Variants in ZNF679 observed in about 807,000 individuals in gnomAD.
ZNF679 encodes the protein zinc finger protein 679.
In ZNF679, 10 loss-of-function variants were observed where a neutral mutation model predicts 13.4. The observed-to-expected ratio is 0.75, with a 90% confidence interval of 0.46 to 1.27. The LOEUF is 1.27. Ranked by LOEUF, ZNF679 falls within the 50% of genes most tolerant of loss-of-function variation. The pLI is 0.00. For missense variants in ZNF679, 525 were observed against 477.8 expected (o/e 1.10, Z -0.92); for synonymous variants, 179 against 162.5 (o/e 1.10, Z -0.77).
intron 1 of ZNF679, among the ~76,000 whole-genome samples, chr7:64,233,612 C>T (rs1289792382): frequency 6.6e-6 from 1 of 152,172 alleles, no homozygotes; most frequent in African/African-American, 2.4e-5. Flanking sequence ...GTGCTCCTCC[C>T]CCAACCTCGG....
At chr7:64,237,149 C>G (rs1303209511) in intron 1 of ZNF679, among the ~76,000 whole-genome samples, 1 of 152,106 alleles carries the variant, frequency 6.6e-6, no homozygotes, top group Middle Eastern at 3.2e-3. Context: ...ATGGATGACC[C>G]AGAATCCTAG....
chr7:64,262,213 T>C, intron 4 of ZNF679, among the ~76,000 whole-genome samples: 1 of 152,182 alleles, frequency 6.6e-6, no homozygotes, highest in East Asian at 1.9e-4. Flanking sequence ...CTAGGAGTTG[T>C]TTATAAATTC....
At chr7:64,248,898 G>A (rs1394695061) in intron 1 of ZNF679, 130 bp from the exon 2 acceptor site, 7 of 663,884 alleles carry the variant, frequency 1.1e-5, no homozygotes, top group Admixed American at 2.9e-5. Context: ...CACTCAGGGC[G>A]TGAAGGGTGG....
At chr7:64,249,435 A>G (rs4718044) in intron 2 of ZNF679, among the ~76,000 whole-genome samples, 45,809 of 151,992 alleles carry the variant, frequency 0.3, 8,115 homozygotes, top group East Asian at 0.65. Flanking sequence ...TCTCACCCAG[A>G]TTGTACAGGG....
chr7:64,255,551 T>A (rs940048178), intron 2 of ZNF679, among the ~76,000 whole-genome samples: 1 of 151,762 alleles, frequency 6.6e-6, no homozygotes, highest in African/African-American at 2.4e-5. Context: ...CACATGGACC[T>A]CTGTCTGTAG....
In ZNF679 at chr7:64,265,924, TC is replaced by T; in HGVS notation, c.293del (p.Pro98ArgfsTer4). On this transcript the variant is annotated frameshift_variant, in exon 5 of 5. Transcript: ENST00000421025. LOFTEE classifies it low-confidence loss of function (END_TRUNC). ...TGTGTTCTCATTTCACCCAAGACCTTCCGCCAGAGCTAGGCATAAAAGATTC... is the reference window on the plus strand; with the variant it reads ...TGTGTTCTCATTTCACCCAAGACCTTCGCCAGAGCTAGGCATAAAAGATTC... ...VMCSHFTQDL[P>X]PELGIKDSLQ... is the part of the protein sequence containing the mutation. The T allele has an allele frequency of 5.6e-6, 9 of 1,613,786 alleles. No individual in the cohort carries two copies. The highest frequency in any genetic ancestry group is 7.6e-6 in the Non-Finnish European group (9 of 1,179,824).
intron 2 of ZNF679, among the ~76,000 whole-genome samples, chr7:64,256,976 G>T (rs888359838): frequency 3.9e-5 from 6 of 152,224 alleles, no homozygotes; most frequent in South Asian, 2.1e-4. Context: ...GATTATAGTC[G>T]TGAGCCACTG....
intron 2 of ZNF679, among the ~76,000 whole-genome samples, chr7:64,251,461 A>G (rs550782188): frequency 5.3e-5 from 8 of 152,324 alleles, no homozygotes; most frequent in African/African-American, 1.9e-4. Flanking sequence ...CTCAAAAAAA[A>G]AGAAAAGAAG....
chr7:64,253,312 A>C (rs2115571952), intron 2 of ZNF679, among the ~76,000 whole-genome samples: 1 of 152,286 alleles, frequency 6.6e-6, no homozygotes, highest in East Asian at 1.9e-4. Context: ...TTAAAGCCTG[A>C]GCCCTGTAAC....
chr7:64,236,595 G>A (rs1180666486), intron 1 of ZNF679, among the ~76,000 whole-genome samples: 2 of 151,992 alleles, frequency 1.3e-5, no homozygotes, highest in Non-Finnish European at 2.9e-5. Flanking sequence ...GACCAGCCTG[G>A]CCAAAATGGC....
chr7:64,244,412 G>C (rs1165356917), intron 1 of ZNF679, among the ~76,000 whole-genome samples: 1 of 151,784 alleles, frequency 6.6e-6, no homozygotes, highest in Non-Finnish European at 1.5e-5. Flanking sequence ...AAATCAATAA[G>C]TTATATTTTT....
chr7:64,255,045 A>G (rs1027891326), intron 2 of ZNF679, among the ~76,000 whole-genome samples: 15 of 151,228 alleles, frequency 9.9e-5, no homozygotes, highest in Non-Finnish European at 2.1e-4. Context: ...TAGTTAGCAA[A>G]CTCCACAGAT....
Position 64,266,538 on chromosome 7 carries a change from G to A in ZNF679, c.905G>A (p.Gly302Asp), listed in dbSNP as rs763582197. 1 of 1,612,184 alleles carries A rather than the reference G, an allele frequency of 6.2e-7. No individual in the cohort carries two copies. The highest frequency in any genetic ancestry group is 8.5e-7 in the Non-Finnish European group (1 of 1,178,706). The part of the protein sequence containing the change: ...GEKPYTCEEC[G>D]KAFSLSSSLT... Reference sequence around the variant, plus strand: ...AAACCATACACATGTGAAGAATGTGGCAAAGCCTTTAGCTTATCCTCATCC... The same window carrying A: ...AAACCATACACATGTGAAGAATGTGACAAAGCCTTTAGCTTATCCTCATCC... The change falls in exon 5 of 5, where the codon GGC becomes GAC. Residue 302 changes from glycine to aspartate, a missense_variant. Physicochemically the swap from Gly to Asp is moderately conservative, Grantham distance 94. Coordinates refer to ENST00000421025, the MANE Select transcript of ZNF679 (RefSeq NM_153363.3).
At chr7:64,231,629 T>A (rs1451045129) in intron 1 of ZNF679, among the ~76,000 whole-genome samples, 1 of 152,160 alleles carries the variant, frequency 6.6e-6, no homozygotes, top group Non-Finnish European at 1.5e-5. Flanking sequence ...TCCTAGGTGA[T>A]GAACCCAGAG....
chr7:64,266,594 G>A lies in ZNF679; in HGVS notation c.961G>A (p.Glu321Lys). Residue 321 changes from glutamate (E) to lysine (K), a missense_variant, in exon 5 of 5, where the codon GAG becomes AAG. Glu to Lys is a moderately conservative substitution (Grantham distance 56, BLOSUM62 1). Coordinates refer to ENST00000421025, the MANE Select transcript of ZNF679 (RefSeq NM_153363.3). ...TTACCACAAGAGAATTCATACTGGAGAGAAACCCTACACATGTGAAGAATG... is the reference window on the plus strand; with the variant it reads ...TTACCACAAGAGAATTCATACTGGAAAGAAACCCTACACATGTGAAGAATG... Reference protein sequence around the residue: ...LTYHKRIHTGEKPYTCEECGK... With the variant: ...LTYHKRIHTGKKPYTCEECGK... 1 of 1,605,032 alleles carries A rather than the reference G, an allele frequency of 6.2e-7. No homozygotes were observed. Among genetic ancestry groups the A allele is most frequent in the Non-Finnish European group, 8.5e-7 (1 of 1,172,116 alleles).
intron 1 of ZNF679, among the ~76,000 whole-genome samples, chr7:64,241,082 G>A (rs564794928): frequency 2.0e-5 from 3 of 152,200 alleles, no homozygotes; most frequent in African/African-American, 7.2e-5. Context: ...CCTTACTTTT[G>A]TCTGAGTTTG....
chr7:64,257,241 A>C (rs979940635), intron 2 of ZNF679, among the ~76,000 whole-genome samples: 3 of 152,100 alleles, frequency 2.0e-5, no homozygotes, highest in African/African-American at 7.2e-5. Context: ...CTTTGTTCTT[A>C]TCACTCCCTT....
At position 64,266,273 on chromosome 7, in the gene ZNF679, T is replaced by C. The variant is rs1278844858; in HGVS notation, c.640T>C (p.Cys214Arg). Residue 214 changes from cysteine (C) to arginine (R), a missense_variant, in exon 5 of 5, where the codon TGT (cysteine) becomes CGT (arginine). Coordinates refer to ENST00000421025, the MANE Select transcript of ZNF679 (RefSeq NM_153363.3). ...IIHTRENSYQCEECGKPFNCS... is the reference protein window; with the variant it reads ...IIHTRENSYQREECGKPFNCS... The stretch of plus-strand genomic sequence containing the variant: ...TCATACTAGGGAGAATTCCTACCAA[T>C]GTGAAGAATGCGGCAAACCCTTCAA... 1.3e-6 allele frequency: 2 copies of C among 1,594,856 alleles called. No individual in the cohort carries two copies. The highest frequency in any genetic ancestry group is 2.3e-5 in the East Asian group (1 of 43,660).
chr7:64,249,206 C>T (rs769389374), intron 2 of ZNF679, 50 bp downstream of exon 2: 2 of 1,613,964 alleles, frequency 1.2e-6, no homozygotes, highest in African/African-American at 2.7e-5. Context: ...CTGGTTGGAA[C>T]CGGCTGAAAG....
Sources: allele counts gnomAD v4.1 joint callset (sites outside exome capture counted in the v4.1 genomes callset), GRCh38; gene constraint gnomAD v4.1.1; transcripts MANE v1.5; gene names NCBI Gene and HGNC (gene_info 2026-07-23, HGNC 2026-07-21).